Variants in SSBP3 observed in about 807,000 individuals in gnomAD.
SSBP3 encodes single-stranded DNA-binding protein 3.
A neutral mutation model predicts 69.6 loss-of-function variants in SSBP3; 5 were observed. The ratio of observed to expected loss-of-function variants is 0.07; its 90% confidence interval spans 0.04 to 0.15. The LOEUF is 0.15. Among genes scored for constraint, SSBP3 ranks in the 10% least tolerant of loss-of-function variants. The pLI, the probability that SSBP3 is intolerant of heterozygous loss-of-function variation, is 1.00. For missense variants in SSBP3, 312 were observed against 534.0 expected (o/e 0.58, Z 4.10); for synonymous variants, 196 against 193.4 (o/e 1.01, Z -0.11).
intron 4 of SSBP3, among the ~76,000 whole-genome samples, chr1:54,400,617 G>A (rs566370527): frequency 6.6e-6 from 1 of 152,188 alleles, no homozygotes; most frequent in Non-Finnish European, 1.5e-5. Flanking sequence ...GAGGGAACAA[G>A]AACTGCTCAA....
chr1:54,398,230 C>T (rs1649034270), intron 4 of SSBP3, among the ~76,000 whole-genome samples: 1 of 152,130 alleles, frequency 6.6e-6, no homozygotes, highest in Admixed American at 6.5e-5. Flanking sequence ...AAAACCCAAC[C>T]GACGAGGCAG....
At chr1:54,262,995 C>T (rs1245547645) in intron 5 of SSBP3, among the ~76,000 whole-genome samples, 1 of 152,194 alleles carries the variant, frequency 6.6e-6, no homozygotes, top group African/African-American at 2.4e-5. Flanking sequence ...CAACTAACTC[C>T]CGCAGTTTCT....
chr1:54,325,001 A>G (rs12759166), intron 4 of SSBP3, among the ~76,000 whole-genome samples: 8,461 of 152,298 alleles, frequency 0.056, 335 homozygotes, highest in South Asian at 0.15. Flanking sequence ...AGCAGCCAGC[A>G]CTGGGGAGCA....
chr1:54,279,412 T>G (rs1236441894), intron 5 of SSBP3, among the ~76,000 whole-genome samples: 1 of 152,224 alleles, frequency 6.6e-6, no homozygotes, highest in Non-Finnish European at 1.5e-5. Flanking sequence ...AGTTGGGAGC[T>G]GCCCACAGAT....
chr1:54,374,605 G>A (rs1467908925), intron 4 of SSBP3, among the ~76,000 whole-genome samples: 1 of 152,154 alleles, frequency 6.6e-6, no homozygotes, highest in African/African-American at 2.4e-5. Flanking sequence ...CCAAGGTGAA[G>A]AAGCAAGTCA....
intron 5 of SSBP3, among the ~76,000 whole-genome samples, chr1:54,276,971 G>A (rs1027552209): frequency 3.3e-5 from 5 of 152,152 alleles, no homozygotes; most frequent in Admixed American, 3.3e-4. Context: ...TCCTGCCACA[G>A]GGGATGGGTT....
chr1:54,244,292 C>T (rs576842591), intron 9 of SSBP3, among the ~76,000 whole-genome samples: 4 of 152,218 alleles, frequency 2.6e-5, no homozygotes, highest in Admixed American at 1.3e-4. Flanking sequence ...TTAGTAGAGA[C>T]GGGGTTTCAC....
rs546355778 is a variant in SSBP3 at position 54,346,205 on chromosome 1, G to C, written c.276+55656C>G. ...CCAGGCGCGGCACCATGTGCTTGTA[G>C]TACCATCTACTCAGGAGGCTAAGGC... On this transcript the variant is annotated intron_variant, in intron 4 of 17. Coordinates refer to ENST00000610401, the Ensembl canonical transcript of SSBP3. Among the ~76,000 whole-genome samples the C allele has an allele frequency of 1.9e-4, 28 of 150,902 alleles. No individual in the cohort carries two copies. In the South Asian group the frequency reaches 5.9e-3, roughly 32 times the overall value.
intron 4 of SSBP3, among the ~76,000 whole-genome samples, chr1:54,385,133 G>A (rs900018448): frequency 1.3e-5 from 2 of 152,208 alleles, no homozygotes; most frequent in African/African-American, 4.8e-5. Context: ...CACAGCCCCT[G>A]ATGGCAGGCA....
intron 7 of SSBP3, among the ~76,000 whole-genome samples, chr1:54,254,337 C>G (rs1644882745): frequency 6.6e-6 from 1 of 152,226 alleles, no homozygotes; most frequent in Non-Finnish European, 1.5e-5. Flanking sequence ...CAGGTGGGAC[C>G]TCTGCCGAGA....
At chr1:54,322,728 C>T (rs981119703) in intron 4 of SSBP3, among the ~76,000 whole-genome samples, 5 of 152,082 alleles carry the variant, frequency 3.3e-5, no homozygotes, top group Non-Finnish European at 5.9e-5. Flanking sequence ...TCCCTACCCC[C>T]CAACCCCGGC....
chr1:54,371,592 G>A (rs1004291331), intron 4 of SSBP3, among the ~76,000 whole-genome samples: 3 of 152,154 alleles, frequency 2.0e-5, no homozygotes, highest in African/African-American at 4.8e-5. Flanking sequence ...CCAAGCTACC[G>A]CCTCTTCTAA....
chr1:54,352,988 G>C (rs1419030043), intron 4 of SSBP3, among the ~76,000 whole-genome samples: 1 of 152,178 alleles, frequency 6.6e-6, no homozygotes, highest in Non-Finnish European at 1.5e-5. Context: ...CCCGAGAACT[G>C]CAGGAGAGAC....
chr1:54,355,153 G>A (rs896132836), intron 4 of SSBP3, among the ~76,000 whole-genome samples: 17 of 152,206 alleles, frequency 1.1e-4, no homozygotes, highest in African/African-American at 3.9e-4. Flanking sequence ...GCCACATGCG[G>A]CGTCCAACAA....
At chr1:54,308,625 G>A (rs547192968) in intron 4 of SSBP3, among the ~76,000 whole-genome samples, 18 of 150,906 alleles carry the variant, frequency 1.2e-4, no homozygotes, top group East Asian at 5.8e-4. Flanking sequence ...AAAATTAGCC[G>A]GGCGTGGTGG....
intron 4 of SSBP3, chr1:54,356,487 C>G (rs946256469): frequency 2.6e-5 from 4 of 152,344 alleles, no homozygotes; most frequent in Non-Finnish European, 5.9e-5. Flanking sequence ...TGTGCCTGCC[C>G]CTCCCGGCCA....
At chr1:54,243,888 C>A (rs1367211748) in intron 9 of SSBP3, among the ~76,000 whole-genome samples, 1 of 152,204 alleles carries the variant, frequency 6.6e-6, no homozygotes, top group Non-Finnish European at 1.5e-5. Context: ...GAGAAAACTC[C>A]ATTTCTGCAC....
intron 4 of SSBP3, among the ~76,000 whole-genome samples, chr1:54,358,896 T>G (rs1646909726): frequency 6.6e-6 from 1 of 152,158 alleles, no homozygotes; most frequent in African/African-American, 2.4e-5. Context: ...GAAACAGGCC[T>G]GGGAACGCAG....
intron 9 of SSBP3, among the ~76,000 whole-genome samples, chr1:54,243,914 A>G (rs1210036531): frequency 6.6e-6 from 1 of 151,736 alleles, no homozygotes; most frequent in African/African-American, 2.4e-5. Context: ...GATCATCACT[A>G]TGTGTGTGTG....
Sources: allele counts gnomAD v4.1 joint callset (sites outside exome capture counted in the v4.1 genomes callset), GRCh38; gene constraint gnomAD v4.1.1; transcripts MANE v1.5; gene names NCBI Gene and HGNC (gene_info 2026-07-23, HGNC 2026-07-21).